The following PDCD6IP variants were observed in gnomAD, a reference collection of about 807,000 sequenced individuals.
The protein encoded by PDCD6IP is programmed cell death 6 interacting protein, also known as programmed cell death 6-interacting protein.
Under a neutral mutation model 103.7 loss-of-function variants are expected in PDCD6IP, and 43 were observed. The ratio of observed to expected loss-of-function variants is 0.41; its 90% CI spans 0.32 to 0.53. The LOEUF is 0.53. Among genes scored for constraint, PDCD6IP ranks in the 20% least tolerant of loss-of-function variants. The probability of loss-of-function intolerance (pLI) is 0.16; values close to 1 mark genes in which losing one functional copy is unlikely to be tolerated. For missense variants in PDCD6IP, 871 were observed against 1,036.7 expected (o/e 0.84, Z 2.20); for synonymous variants, 354 against 378.7 (o/e 0.93, Z 0.76).
rs115916654 is a variant in PDCD6IP, at chr3:33,865,331, G to C, written c.2333G>C (p.Gly778Ala). 1.9e-3 allele frequency: 3,090 copies of C among 1,597,070 alleles called. 54 individuals are homozygous for C. In the African/African-American group the frequency reaches 0.037, roughly 19 times the overall value. Residue 778 changes from glycine (G) to alanine (A), a missense_variant, in exon 17 of 18, where the codon GGG (glycine) becomes GCG (alanine). This residue lies in a region of PDCD6IP where 202 missense variants were observed against 205.2 expected (regional missense o/e 0.98). Transcript: ENST00000307296. The part of the protein sequence containing the change: ...APSATAPSPV[G>A]AGTAAPAPSQ... ...TCTGCTACTGCTCCATCTCCAGTGGGGGCTGGGACTGCTGCGCCAGCTCCA... is the reference window on the plus strand; with the variant it reads ...TCTGCTACTGCTCCATCTCCAGTGGCGGCTGGGACTGCTGCGCCAGCTCCA...
chr3:33,859,516 C>G (rs1348794376), intron 15 of PDCD6IP, among the ~76,000 whole-genome samples: 2 of 152,002 alleles, frequency 1.3e-5, no homozygotes, highest in Non-Finnish European at 2.9e-5. Flanking sequence ...CAATAGAAAA[C>G]TGAGGAGAAG....
At chr3:33,855,063 T>G in intron 14 of PDCD6IP, 103 bp from the exon 15 acceptor site, 1 of 674,622 alleles carries the variant, frequency 1.5e-6, no homozygotes, top group Non-Finnish European at 2.7e-6. Flanking sequence ...AGATCTCAGT[T>G]CTTCGGCTCT....
chr3:33,804,242 C>T (rs370209673), intron 1 of PDCD6IP, among the ~76,000 whole-genome samples: 67 of 152,306 alleles, frequency 4.4e-4, no homozygotes, highest in African/African-American at 1.5e-3. Flanking sequence ...ATCCCGCCTG[C>T]AGCTTGAATC....
chr3:33,852,602 A>C lies in PDCD6IP; in HGVS notation c.1756A>C (p.Thr586Pro). The C allele has an allele frequency of 1.2e-6, 2 of 1,601,370 alleles. No homozygotes were observed. Among genetic ancestry groups the C allele is most frequent in the Non-Finnish European group, 1.7e-6 (2 of 1,176,156 alleles). Reference protein sequence around the residue: ...VNFDMTSKFLTALAQDGVINE... With the variant: ...VNFDMTSKFLPALAQDGVINE... ...TTTTGACATGACAAGCAAGTTTTTG[A>C]CAGCCCTGGCTCAAGATGGTGTGAT... Residue 586 changes from threonine to proline, a missense_variant, in exon 13 of 18, where the codon ACA becomes CCA. By Grantham distance (38) the Thr-to-Pro change is conservative. This residue lies in a region of PDCD6IP where 266 missense variants were observed against 390.5 expected (regional missense o/e 0.68). Transcript: ENST00000307296.
chr3:33,809,020 A>T (rs1168962998), intron 1 of PDCD6IP, among the ~76,000 whole-genome samples: 2 of 152,026 alleles, frequency 1.3e-5, no homozygotes, highest in African/African-American at 2.4e-5. Flanking sequence ...CACCTTTTTC[A>T]TGCCTTTTAT....
At chr3:33,822,123 A>T in intron 4 of PDCD6IP, 41 bp downstream of exon 4, 1 of 1,595,172 alleles carries the variant, frequency 6.3e-7, no homozygotes, top group South Asian at 1.1e-5. Flanking sequence ...GTCAACACTA[A>T]ATTGGATTAA....
intron 1 of PDCD6IP, chr3:33,799,355 G>A (rs1373371350): frequency 6.1e-6 from 1 of 164,066 alleles, no homozygotes; most frequent in Non-Finnish European, 1.3e-5. Flanking sequence ...TTGCTTGAAG[G>A]CAGTGGGGGA....
intron 3 of PDCD6IP, among the ~76,000 whole-genome samples, chr3:33,817,927 T>A: frequency 6.6e-6 from 1 of 151,838 alleles, no homozygotes; most frequent in Non-Finnish European, 1.5e-5. Flanking sequence ...ATAAAATAGC[T>A]CTTATATGTA....
At position 33,845,465 on chromosome 3, in the gene PDCD6IP, T is replaced by C. The variant is rs770199920; in HGVS notation, c.1518T>C (p.Asp506=). The C allele has an allele frequency of 7.4e-6, 12 of 1,613,980 alleles. 1 individual carries two copies. In the South Asian group the frequency reaches 7.7e-5, roughly 10 times the overall value. ...TTTTAGATAAAGCTGTGCAGGCAGA[T>C]GGACAAGTGAAAGAATGTTACCAGT... ...RTVLDKAVQA[D]GQVKECYQSH... Residue 506 remains aspartate (D), a synonymous_variant, in exon 12 of 18, where the codon GAT becomes GAC. Coordinates refer to ENST00000307296, the MANE Select transcript of PDCD6IP (RefSeq NM_013374.6).
In PDCD6IP at chr3:33,858,592, C is replaced by T. The variant is rs370930598; in HGVS notation, c.2120+3332C>T. 1.1e-3 allele frequency among the ~76,000 whole-genome samples: 168 copies of T among 152,164 alleles called. 1 individual carries two copies. The highest frequency in any genetic ancestry group is 1.8e-3 in the Non-Finnish European group (125 of 67,990). ...TTGGGAGGCTGAGGCGGGCGGATCA[C>T]GAGGTCAGGAGATCGAGACCATCCT... On this transcript the variant is annotated intron_variant, in intron 15 of 17. Transcript: ENST00000307296.
chr3:33,825,217 G>C lies in PDCD6IP; in HGVS notation c.493G>C (p.Glu165Gln). 6.2e-7 allele frequency: 1 copy of C among 1,612,038 alleles called. No individual in the cohort carries two copies. The highest frequency in any genetic ancestry group is 8.5e-7 in the Non-Finnish European group (1 of 1,179,632). The change falls in exon 5 of 18, where the codon GAG becomes CAG. Residue 165 changes from glutamate to glutamine, a missense_variant. By Grantham distance (29) the Glu-to-Gln change is conservative. Transcript: ENST00000307296. ...FASGAFLHIK[E>Q]TVLSALSREP... is the part of the protein sequence containing the mutation. ...TAGTGGTGCCTTTTTACATATTAAAGAGACGGTTTTATCTGCCTTAAGTCG... is the reference window on the plus strand; with the variant it reads ...TAGTGGTGCCTTTTTACATATTAAACAGACGGTTTTATCTGCCTTAAGTCG...
intron 7 of PDCD6IP, among the ~76,000 whole-genome samples, chr3:33,830,709 CA>C (rs1358838853): frequency 6.6e-6 from 1 of 151,766 alleles, no homozygotes; most frequent in Admixed American, 6.6e-5. Context: ...CACCCCTTCT[CA>C]AAAAAAAGTT....
At position 33,866,357 on chromosome 3, in the gene PDCD6IP, C is replaced by A; in HGVS notation, c.2439C>A (p.Cys813Ter). Residue 813 changes from cysteine (C) to a stop codon, truncating the protein, a stop_gained, in exon 18 of 18, where the codon TGC becomes TGA. Coordinates refer to ENST00000307296, the MANE Select transcript of PDCD6IP (RefSeq NM_013374.6). LOFTEE classifies it high-confidence loss of function. The stretch of plus-strand genomic sequence containing the variant: ...TTCTGTTTTCTTCTATCAGGTATTG[C>A]CAAATGCCCATGCCCATGGGCTATA... ...YPTYPGYPGY[C>*]QMPMPMGYNP... 6.5e-7 allele frequency: 1 copy of A among 1,537,016 alleles called. No individual in the cohort carries two copies.
At position 33,836,130 on chromosome 3, in the gene PDCD6IP, C is replaced by T. The variant is rs143026467; in HGVS notation, c.921C>T (p.Ala307=). The change falls in exon 8 of 18, where the codon GCC becomes GCT. Residue 307 remains alanine (A), a synonymous_variant. Coordinates refer to ENST00000307296, the MANE Select transcript of PDCD6IP (RefSeq NM_013374.6). ...ATTTTTCTGACAAAATCAATCGTGC[C>T]CTTGCTGCAGCAAAGAAGGATAATG... ...VKDFSDKINR[A]LAAAKKDNDF... 7 of 1,611,228 alleles carry T rather than the reference C, an allele frequency of 4.3e-6. No individual in the cohort carries two copies. The highest frequency in any genetic ancestry group is 1.3e-5 in the African/African-American group (1 of 74,792).
chr3:33,811,703 G>C (rs1696723078), intron 1 of PDCD6IP, among the ~76,000 whole-genome samples: 1 of 152,212 alleles, frequency 6.6e-6, no homozygotes, highest in South Asian at 2.1e-4. Context: ...TTAAAAGTCG[G>C]TAAACCTGTT....
chr3:33,845,361 C>T (rs1559791415), intron 11 of PDCD6IP, 58 bp from the exon 12 acceptor site: 10 of 1,324,534 alleles, frequency 7.5e-6, no homozygotes, highest in South Asian at 2.8e-5. Flanking sequence ...TATAACCAGC[C>T]GATAAACGTT....
chr3:33,833,358 C>T (rs896929524), intron 7 of PDCD6IP, among the ~76,000 whole-genome samples: 6 of 151,696 alleles, frequency 4.0e-5, no homozygotes, highest in Admixed American at 1.3e-4. Flanking sequence ...ATTGATATGC[C>T]CTCTAAATCT....
chr3:33,826,824 T>C (rs1436819060), intron 6 of PDCD6IP: 2 of 1,260,674 alleles, frequency 1.6e-6, no homozygotes, highest in African/African-American at 3.1e-5. Flanking sequence ...TAGAACTCTT[T>C]CTGGAAAATG....
At chr3:33,838,604 T>G (rs1697403189) in intron 9 of PDCD6IP, among the ~76,000 whole-genome samples, 1 of 152,030 alleles carries the variant, frequency 6.6e-6, no homozygotes, top group Non-Finnish European at 1.5e-5. Context: ...TGAACTCAGA[T>G]ACATGGTACA....
Sources: gnomAD v4.1 joint callset for allele counts (sites outside exome capture counted in the v4.1 genomes callset) on GRCh38, gnomAD v4.1.1 for gene constraint, gnomAD v4.1.1 regional missense constraint, MANE v1.5 for transcripts, NCBI Gene and HGNC (gene_info 2026-07-23, HGNC 2026-07-21) for gene names.